Variants in SGCZ observed in about 807,000 individuals in gnomAD.
SGCZ encodes the protein zeta-sarcoglycan.
In SGCZ, 40 loss-of-function variants were observed where a neutral mutation model predicts 41.3. The ratio of observed to expected loss-of-function variants is 0.97; its 90% CI spans 0.75 to 1.26. The LOEUF is 1.26. SGCZ is among the 50% of genes most tolerant of loss of function. The pLI is 0.00. For missense variants in SGCZ, 552 were observed against 369.8 expected (o/e 1.49, Z -4.04); for synonymous variants, 206 against 137.5 (o/e 1.50, Z -3.49).
At chr8:14,252,337 T>C (rs896378899) in intron 3 of SGCZ, among the ~76,000 whole-genome samples, 3 of 152,144 alleles carry the variant, frequency 2.0e-5, no homozygotes, top group Non-Finnish European at 2.9e-5. Context: ...TATATTGTTT[T>C]TATTGTTATT....
At chr8:14,384,656 C>T (rs1804502727) in intron 2 of SGCZ, among the ~76,000 whole-genome samples, 1 of 152,132 alleles carries the variant, frequency 6.6e-6, no homozygotes, top group South Asian at 2.1e-4. Flanking sequence ...ACCTCCTAGG[C>T]TCAAGCAATT....
chr8:14,203,655 A>G (rs1805527211), intron 4 of SGCZ, among the ~76,000 whole-genome samples: 1 of 152,306 alleles, frequency 6.6e-6, no homozygotes, highest in African/African-American at 2.4e-5. Context: ...AGGTCACTGG[A>G]GGTGAGCACC....
chr8:14,809,531 T>G (rs993460089), intron 1 of SGCZ, among the ~76,000 whole-genome samples: 1 of 152,202 alleles, frequency 6.6e-6, no homozygotes, highest in African/African-American at 2.4e-5. Flanking sequence ...TTCTCCATTT[T>G]ATTTCCTTAA....
intron 1 of SGCZ, among the ~76,000 whole-genome samples, chr8:14,963,626 G>C (rs1801038644): frequency 6.6e-6 from 1 of 152,166 alleles, no homozygotes; most frequent in Non-Finnish European, 1.5e-5. Context: ...AGGATTACGG[G>C]TGTGAGCCAC....
intron 2 of SGCZ, among the ~76,000 whole-genome samples, chr8:14,492,225 T>C (rs1234886900): frequency 6.6e-6 from 1 of 152,206 alleles, no homozygotes; most frequent in African/African-American, 2.4e-5. Context: ...ACCTTTTAAA[T>C]ATTCCATTAA....
chr8:14,227,804 T>C (rs1450477677), intron 4 of SGCZ, among the ~76,000 whole-genome samples: 1 of 152,078 alleles, frequency 6.6e-6, no homozygotes, highest in South Asian at 2.1e-4. Context: ...ATTTTTCTGG[T>C]ATATGCATTA....
At chr8:14,983,995 C>T (rs776851701) in intron 1 of SGCZ, among the ~76,000 whole-genome samples, 20 of 152,246 alleles carry the variant, frequency 1.3e-4, no homozygotes, top group Non-Finnish European at 2.6e-4. Flanking sequence ...CAGTACTTAA[C>T]ATTTATAAAG....
chr8:14,265,921 AAC>A (rs1799851979), intron 3 of SGCZ, among the ~76,000 whole-genome samples: 3 of 151,886 alleles, frequency 2.0e-5, no homozygotes, highest in African/African-American at 7.3e-5. Flanking sequence ...GAGATTTGAA[AAC>A]ACACAGTCAG....
intron 3 of SGCZ, among the ~76,000 whole-genome samples, chr8:14,279,494 C>A (rs778043443): frequency 1.3e-5 from 2 of 151,548 alleles, no homozygotes; most frequent in East Asian, 1.9e-4. Flanking sequence ...CATTCAGTGG[C>A]GGGAATTTGG....
intron 3 of SGCZ, among the ~76,000 whole-genome samples, chr8:14,284,859 T>A (rs890535): frequency 0.72 from 110,163 of 152,000 alleles, 40,265 homozygotes; most frequent in African/African-American, 0.8. Flanking sequence ...AATGCTGAGA[T>A]CATCTGTATG....
At chr8:14,203,271 G>A (rs930575890) in intron 4 of SGCZ, among the ~76,000 whole-genome samples, 2 of 152,184 alleles carry the variant, frequency 1.3e-5, no homozygotes, top group African/African-American at 4.8e-5. Flanking sequence ...GATGCTATTT[G>A]AATATTAAAC....
chr8:14,437,304 C>T (rs900543930), intron 2 of SGCZ, among the ~76,000 whole-genome samples: 2 of 152,074 alleles, frequency 1.3e-5, no homozygotes, highest in African/African-American at 4.8e-5. Flanking sequence ...TGAAAGAAAA[C>T]TTTAATAAAT....
At chr8:14,400,150 G>A (rs1397761479) in intron 2 of SGCZ, among the ~76,000 whole-genome samples, 2 of 151,862 alleles carry the variant, frequency 1.3e-5, no homozygotes, top group African/African-American at 4.8e-5. Flanking sequence ...CTTTCACTTG[G>A]CTATTGTTTC....
At position 14,085,395 on chromosome 8, in the gene SGCZ, T is replaced by C. The variant is rs1801495502; in HGVS notation, c.*5048A>G. 6.6e-6 allele frequency among the ~76,000 whole-genome samples: 1 copy of C among 151,796 alleles called. No individual in the cohort carries two copies. The highest frequency in any genetic ancestry group is 2.4e-5 in the African/African-American group (1 of 41,406). On this transcript the variant is annotated 3_prime_UTR_variant, in exon 8 of 8. Coordinates refer to ENST00000382080, the MANE Select transcript of SGCZ (RefSeq NM_139167.4). Reference sequence around the variant, plus strand: ...ATTACATATCTCCATTGTTAATGAATGTCCTTGCCCATCTTTAACCCTGTT... The same window carrying C: ...ATTACATATCTCCATTGTTAATGAACGTCCTTGCCCATCTTTAACCCTGTT...
chr8:14,824,619 A>C (rs1802229979), intron 1 of SGCZ, among the ~76,000 whole-genome samples: 1 of 152,040 alleles, frequency 6.6e-6, no homozygotes, highest in South Asian at 2.1e-4. Context: ...GAAGACCAAG[A>C]ACCTGCCTTT....
At chr8:14,210,072 C>A in intron 4 of SGCZ, among the ~76,000 whole-genome samples, 1 of 152,164 alleles carries the variant, frequency 6.6e-6, no homozygotes, top group East Asian at 1.9e-4. Flanking sequence ...GTTTCTCTTT[C>A]TTTGAGACAG....
chr8:14,937,831 T>C (rs1029876870), intron 1 of SGCZ, among the ~76,000 whole-genome samples: 2 of 152,130 alleles, frequency 1.3e-5, no homozygotes, highest in Non-Finnish European at 2.9e-5. Context: ...GAAATATATG[T>C]TGAACAATCA....
intron 1 of SGCZ, among the ~76,000 whole-genome samples, chr8:15,141,310 C>G (rs1243551119): frequency 6.6e-6 from 1 of 152,190 alleles, no homozygotes; most frequent in African/African-American, 2.4e-5. Flanking sequence ...CTGGTAAGAT[C>G]TGTTGATTCC....
chr8:14,593,587 G>A (rs1358306494), intron 1 of SGCZ, among the ~76,000 whole-genome samples: 2 of 152,146 alleles, frequency 1.3e-5, no homozygotes, highest in African/African-American at 2.4e-5. Flanking sequence ...AAAGGATGGC[G>A]ACAGTGGTGA....
Sources: gnomAD v4.1 joint callset for allele counts (sites outside exome capture counted in the v4.1 genomes callset) on GRCh38, gnomAD v4.1.1 for gene constraint, MANE v1.5 for transcripts, NCBI Gene and HGNC (gene_info 2026-07-23, HGNC 2026-07-21) for gene names.